The following RBFOX1 variants were observed in gnomAD, a reference collection of about 807,000 sequenced individuals.
RBFOX1 encodes RNA binding protein fox-1 homolog 1.
Under a neutral mutation model 57.7 loss-of-function variants are expected in RBFOX1, and 8 were observed. That is an observed-to-expected ratio of 0.14 (90% CI 0.08 to 0.25). The LOEUF is 0.25. Among genes scored for constraint, RBFOX1 ranks in the 10% least tolerant of loss-of-function variants. The pLI is 1.00. For synonymous variants in RBFOX1, 326 were observed against 222.4 expected (o/e 1.47, Z -4.15); for missense variants, 611 against 548.5 (o/e 1.11, Z -1.14).
intron 3 of RBFOX1, among the ~76,000 whole-genome samples, chr16:6,924,678 T>C (rs2075192165): frequency 6.6e-6 from 1 of 152,160 alleles, no homozygotes; most frequent in South Asian, 2.1e-4. Context: ...ATTCTTTTTT[T>C]TTTAATTTTA....
intron 4 of RBFOX1, among the ~76,000 whole-genome samples, chr16:7,329,317 T>A (rs1454839666): frequency 1.3e-5 from 2 of 152,218 alleles, no homozygotes; most frequent in African/African-American, 2.4e-5. Flanking sequence ...TTGCTGTTTC[T>A]TCCACTATTT....
At chr16:6,465,482 G>C (rs531907766) in intron 2 of RBFOX1, among the ~76,000 whole-genome samples, 2 of 152,048 alleles carry the variant, frequency 1.3e-5, no homozygotes, top group Non-Finnish European at 2.9e-5. Flanking sequence ...GACTCAGCTC[G>C]TGGGTTCCTA....
At chr16:6,861,106 G>T (rs893781082) in intron 3 of RBFOX1, among the ~76,000 whole-genome samples, 2 of 152,114 alleles carry the variant, frequency 1.3e-5, no homozygotes, top group Non-Finnish European at 2.9e-5. Flanking sequence ...TATGTTGCAA[G>T]CTGCGGGGTG....
At chr16:5,441,986 A>C (rs898923487) in intron 1 of RBFOX1, among the ~76,000 whole-genome samples, 3 of 152,226 alleles carry the variant, frequency 2.0e-5, no homozygotes, top group African/African-American at 7.2e-5. Flanking sequence ...CATATCAATC[A>C]GTAAGACACT....
intron 3 of RBFOX1, among the ~76,000 whole-genome samples, chr16:5,739,621 A>G (rs1041788887): frequency 6.6e-6 from 1 of 152,222 alleles, no homozygotes; most frequent in Admixed American, 6.5e-5. Flanking sequence ...TTTGCAGCAG[A>G]CAGAGACGGA....
At chr16:5,702,641 G>A (rs1162227324) in intron 3 of RBFOX1, among the ~76,000 whole-genome samples, 1 of 152,174 alleles carries the variant, frequency 6.6e-6, no homozygotes, top group Non-Finnish European at 1.5e-5. Context: ...TTAACAATAA[G>A]CTTCTATAAC....
intron 3 of RBFOX1, among the ~76,000 whole-genome samples, chr16:5,681,320 G>C (rs1361804890): frequency 6.8e-6 from 1 of 148,118 alleles, no homozygotes; most frequent in Admixed American, 6.8e-5. Flanking sequence ...TCCTGACCTT[G>C]TGATCCACCC....
chr16:6,671,081 C>G (rs992711763), intron 3 of RBFOX1, among the ~76,000 whole-genome samples: 1 of 152,180 alleles, frequency 6.6e-6, no homozygotes, highest in Admixed American at 6.5e-5. Flanking sequence ...AGTACTCATA[C>G]GTATGAACAA....
chr16:6,769,027 A>G (rs568149399), intron 3 of RBFOX1, among the ~76,000 whole-genome samples: 1 of 151,948 alleles, frequency 6.6e-6, no homozygotes, highest in Admixed American at 6.6e-5. Context: ...GCGCCCAGCC[A>G]ATATTACTTC....
chr16:6,571,588 G>C (rs1174254356), intron 2 of RBFOX1, among the ~76,000 whole-genome samples: 1 of 152,138 alleles, frequency 6.6e-6, no homozygotes, highest in African/African-American at 2.4e-5. Flanking sequence ...AGGACCTGTT[G>C]CTTGCCTGTT....
intron 2 of RBFOX1, among the ~76,000 whole-genome samples, chr16:5,483,632 C>G (rs1270938155): frequency 6.6e-6 from 1 of 152,182 alleles, no homozygotes; most frequent in African/African-American, 2.4e-5. Context: ...TTTGTCTTTT[C>G]TAATGCTGTA....
intron 4 of RBFOX1, among the ~76,000 whole-genome samples, chr16:7,512,902 G>A (rs1702237733): frequency 6.6e-6 from 1 of 152,210 alleles, no homozygotes; most frequent in African/African-American, 2.4e-5. Flanking sequence ...CTTCCTCACA[G>A]GGAGTAACAC....
At chr16:6,918,594 T>C (rs1247872649) in intron 3 of RBFOX1, among the ~76,000 whole-genome samples, 5 of 152,124 alleles carry the variant, frequency 3.3e-5, no homozygotes, top group African/African-American at 1.2e-4. Flanking sequence ...GACATAAAAA[T>C]GAATTATTTA....
At chr16:7,204,317 T>G (rs2089447566) in intron 4 of RBFOX1, among the ~76,000 whole-genome samples, 1 of 152,202 alleles carries the variant, frequency 6.6e-6, no homozygotes, top group African/African-American at 2.4e-5. Flanking sequence ...AGGACAGGAT[T>G]GCAAACACTT....
At chr16:7,498,888 C>G (rs868435886) in intron 4 of RBFOX1, among the ~76,000 whole-genome samples, 4 of 152,168 alleles carry the variant, frequency 2.6e-5, no homozygotes, top group African/African-American at 7.2e-5. Context: ...CAACTTTCTC[C>G]TCTGAAGTGT....
chr16:6,806,980 C>G (rs959385285), intron 3 of RBFOX1, among the ~76,000 whole-genome samples: 2 of 151,104 alleles, frequency 1.3e-5, no homozygotes, highest in Non-Finnish European at 2.9e-5. Context: ...ATTGCAGGCA[C>G]GTCTCACCAC....
intron 3 of RBFOX1, among the ~76,000 whole-genome samples, chr16:5,623,775 C>G (rs1373131960): frequency 6.6e-6 from 1 of 152,108 alleles, no homozygotes; most frequent in East Asian, 1.9e-4. Flanking sequence ...CCCTCTCAAT[C>G]TGGTTGAGAG....
intron 11 of RBFOX1, among the ~76,000 whole-genome samples, chr16:7,639,423 A>G (rs1202641445): frequency 6.6e-6 from 1 of 152,088 alleles, no homozygotes; most frequent in African/African-American, 2.4e-5. Flanking sequence ...AATTCCTTCT[A>G]GTTTTTAGTC....
chr16:7,471,431 C>T (rs1326466172), intron 4 of RBFOX1, among the ~76,000 whole-genome samples: 2 of 152,032 alleles, frequency 1.3e-5, no homozygotes, highest in African/African-American at 4.8e-5. Flanking sequence ...AAGTTTGCAC[C>T]ACCTGATGTT....
Sources: allele counts gnomAD v4.1 joint callset (sites outside exome capture counted in the v4.1 genomes callset), GRCh38; gene constraint gnomAD v4.1.1; transcripts MANE v1.5; gene names NCBI Gene and HGNC (gene_info 2026-07-23, HGNC 2026-07-21).